The following MUC17 variants were observed in gnomAD, a reference collection of about 807,000 sequenced individuals.
MUC17 encodes mucin 17, cell surface associated, also known as mucin-17.
In MUC17, 190 loss-of-function variants were observed where a neutral mutation model predicts 170.3. The ratio of observed to expected loss-of-function variants is 1.12; its 90% CI spans 0.99 to 1.26. The LOEUF (loss-of-function observed/expected upper bound fraction) is 1.26. MUC17 is among the 50% of genes most tolerant of loss of function. The pLI is 0.00. For synonymous variants in MUC17, 2,325 were observed against 2,002.5 expected (o/e 1.16, Z -4.30); for missense variants, 6,415 against 5,530.0 (o/e 1.16, Z -5.08).
intron 7 of MUC17, 36 bp downstream of exon 7, chr7:101,050,671 G>A (rs996410393): frequency 1.9e-6 from 3 of 1,604,310 alleles, no homozygotes; most frequent in African/African-American, 1.3e-5. Flanking sequence ...AAGGGAGAAG[G>A]CATCAGAGCT....
chr7:101,037,901 C>T lies in MUC17; in HGVS notation c.6485C>T (p.Pro2162Leu), dbSNP rs763159692. The T allele has an allele frequency of 6.2e-7, 1 of 1,610,070 alleles. No individual in the cohort carries two copies. Among genetic ancestry groups the T allele is most frequent in the Non-Finnish European group, 8.5e-7 (1 of 1,177,650 alleles). Reference sequence around the variant, plus strand: ...TCAACTTATAGTGACAGAAGAACTCCTTTAACAAGTATGCCTGTCAGCACC... The same window carrying T: ...TCAACTTATAGTGACAGAAGAACTCTTTTAACAAGTATGCCTGTCAGCACC... ...QTSTYSDRRT[P>L]LTSMPVSTTV... The change falls in exon 3 of 13, where the codon CCT becomes CTT. Residue 2162 changes from proline to leucine, a missense_variant. Pro to Leu is a moderately conservative substitution (Grantham distance 98). Transcript: ENST00000306151.
Position 101,053,010 on chromosome 7 carries a change from G to A in MUC17, c.13128G>A (p.Trp4376Ter), listed in dbSNP as rs945988821. 6.2e-7 allele frequency: 1 copy of A among 1,614,046 alleles called. No individual in the cohort carries two copies. Among genetic ancestry groups the A allele is most frequent in the Non-Finnish European group, 8.5e-7 (1 of 1,179,964 alleles). Residue 4376 changes from tryptophan to a stop codon, truncating the protein, a stop_gained, in exon 10 of 13, where the codon TGG (tryptophan) becomes TGA (stop). Coordinates refer to ENST00000306151, the MANE Select transcript of MUC17 (RefSeq NM_001040105.2). LOFTEE classifies it high-confidence loss of function. ...QCLCVTTETHWYSGETCNQGT... is the reference protein window; with the variant it reads ...QCLCVTTETH ...GCTGCGTGACCACGGAAACTCACTG[G>A]TACAGTGGGGAGACCTGTAACCAGG...
chr7:101,053,243 C>G (rs1794985969), intron 10 of MUC17, 96 bp downstream of exon 10: 1 of 1,574,932 alleles, frequency 6.3e-7, no homozygotes, highest in Non-Finnish European at 8.7e-7. Flanking sequence ...TCTAGGTGGG[C>G]AGCGGGGGCA....
chr7:101,053,542 A>G, intron 11 of MUC17, 106 bp downstream of exon 11: 2 of 818,250 alleles, frequency 2.4e-6, no homozygotes, highest in Non-Finnish European at 4.0e-6. Flanking sequence ...CCAAGGCAGG[A>G]GTATTACTTG....
chr7:101,021,016 A>AC (rs1267438327), intron 1 of MUC17, among the ~76,000 whole-genome samples: 6 of 152,066 alleles, frequency 3.9e-5, no homozygotes, highest in Admixed American at 2.0e-4. Context: ...TCGAGATGTC[A>AC]CCCTGTGGCA....
chr7:101,023,368 A>T (rs923280683), intron 1 of MUC17, among the ~76,000 whole-genome samples: 3 of 152,116 alleles, frequency 2.0e-5, no homozygotes, highest in African/African-American at 7.2e-5. Context: ...CAGACCTTTC[A>T]AAATTAAAAA....
In MUC17 at chr7:101,042,796, TCTC is replaced by T; in HGVS notation, c.11383_11385del (p.Pro3795del). 1 of 1,614,132 alleles carries T rather than the reference TCTC, an allele frequency of 6.2e-7. No homozygotes were observed. Among genetic ancestry groups the T allele is most frequent in the Non-Finnish European group, 8.5e-7 (1 of 1,180,028 alleles). On this transcript the variant is annotated inframe_deletion, in exon 3 of 13. Coordinates refer to ENST00000306151, the MANE Select transcript of MUC17 (RefSeq NM_001040105.2). ...GACCACTGCCTCTGAAGGCAGTTCATCTCCTACAACTCTTGAAGGCACCACCAC... is the reference window on the plus strand; with the variant it reads ...GACCACTGCCTCTGAAGGCAGTTCATCTACAACTCTTGAAGGCACCACCAC...
Position 101,043,321 on chromosome 7 carries a change from A to G in MUC17, c.11905A>G (p.Thr3969Ala), listed in dbSNP as rs756652181. The change falls in exon 3 of 13, where the codon ACT (threonine) becomes GCT (alanine). Residue 3969 changes from threonine to alanine, a missense_variant. Physicochemically the swap from Thr to Ala is moderately conservative, Grantham distance 58. Transcript: ENST00000306151. ...GAVSTPVITS[T>A]ELNTPSTSSS... ...TGTATCTACCCCTGTGATAACTTCC[A>G]CTGAACTAAACACACCATCAACCTC... 1.2e-6 allele frequency: 2 copies of G among 1,614,154 alleles called. No homozygotes were observed. Among genetic ancestry groups the G allele is most frequent in the Non-Finnish European group, 1.7e-6 (2 of 1,180,036 alleles).
In MUC17 at chr7:101,040,943, T is replaced by C. The variant is rs1794679354; in HGVS notation, c.9527T>C (p.Val3176Ala). 6.2e-7 allele frequency: 1 copy of C among 1,613,224 alleles called. No individual in the cohort carries two copies. The highest frequency in any genetic ancestry group is 2.2e-5 in the East Asian group (1 of 44,812). Reference protein sequence around the residue: ...LTYMPVSTMLVVSSEDSTLSA... With the variant: ...LTYMPVSTMLAVSSEDSTLSA... ...TATATGCCTGTCAGCACCATGCTGG[T>C]AGTCAGTTCTGAGGATAGCACCCTT... Residue 3176 changes from valine (V) to alanine (A), a missense_variant, in exon 3 of 13, where the codon GTA (valine) becomes GCA (alanine). Physicochemically the swap from Val to Ala is moderately conservative, Grantham distance 64. Transcript: ENST00000306151.
At chr7:101,049,737 C>T (rs986693800) in intron 6 of MUC17, among the ~76,000 whole-genome samples, 8 of 152,106 alleles carry the variant, frequency 5.3e-5, no homozygotes, top group African/African-American at 1.7e-4. Flanking sequence ...GGATGAGGGC[C>T]TACACTAATG....
In MUC17 at chr7:101,037,467, C is replaced by G. The variant is rs1212964248; in HGVS notation, c.6051C>G (p.Thr2017=). 1.9e-6 allele frequency: 3 copies of G among 1,611,958 alleles called. No homozygotes were observed. The highest frequency in any genetic ancestry group is 2.5e-6 in the Non-Finnish European group (3 of 1,178,884). Residue 2017 remains threonine (T), a synonymous_variant, in exon 3 of 13, where the codon ACC becomes ACG. Transcript: ENST00000306151. ...TTPVDTSTPA[T]TSTEGSSSPT... ...CTGTTGACACCAGCACTCCTGCCAC[C>G]ACTTCTACTGAAGGCAGTTCATCTC...
At position 101,037,514 on chromosome 7, in the gene MUC17, G is replaced by C; in HGVS notation, c.6098G>C (p.Ser2033Thr). 6.2e-7 allele frequency: 1 copy of C among 1,613,722 alleles called. No homozygotes were observed. The highest frequency in any genetic ancestry group is 8.5e-7 in the Non-Finnish European group (1 of 1,179,846). The part of the protein sequence containing the change: ...SSSPTTAGGT[S>T]IQTSTPSERT... The stretch of plus-strand genomic sequence containing the variant: ...TCTCCTACAACTGCAGGAGGTACCA[G>C]CATACAAACCTCAACTCCTAGTGAA... Residue 2033 changes from serine to threonine, a missense_variant, in exon 3 of 13, where the codon AGC becomes ACC. Physicochemically the swap from Ser to Thr is moderately conservative, Grantham distance 58. Transcript: ENST00000306151.
Position 101,036,139 on chromosome 7 carries a change from C to A in MUC17, c.4723C>A (p.Leu1575Ile). ...TSTYSEGSTP[L>I]TSLPVSTMLV... ...AACTTATAGTGAAGGAAGCACTCCA[C>A]TAACAAGTTTGCCTGTCAGCACCAT... Residue 1575 changes from leucine (L) to isoleucine (I), a missense_variant, in exon 3 of 13, where the codon CTA (leucine) becomes ATA (isoleucine). Leu to Ile is a conservative substitution (Grantham distance 5, BLOSUM62 2). Coordinates refer to ENST00000306151, the MANE Select transcript of MUC17 (RefSeq NM_001040105.2). 6.2e-7 allele frequency: 1 copy of A among 1,609,030 alleles called. No homozygotes were observed.
chr7:101,029,578 C>T (rs932003974), intron 1 of MUC17, among the ~76,000 whole-genome samples: 6 of 151,590 alleles, frequency 4.0e-5, no homozygotes, highest in Non-Finnish European at 7.4e-5. Context: ...TTTTGCATTC[C>T]GTTTTTTAAT....
Position 101,051,784 on chromosome 7 carries a change from T to A in MUC17, c.12944-19T>A, listed in dbSNP as rs1248490234. ...GCCCTCTGATCACGGCTGTTCCCTG[T>A]CCCTGCACCCCCCACCAGAGGACTG... On this transcript the variant is annotated intron_variant, in intron 8 of 12. Coordinates refer to ENST00000306151, the MANE Select transcript of MUC17 (RefSeq NM_001040105.2). 6.2e-7 allele frequency: 1 copy of A among 1,611,484 alleles called. No homozygotes were observed. Among genetic ancestry groups the A allele is most frequent in the South Asian group, 1.1e-5 (1 of 90,830 alleles).
At position 101,055,256 on chromosome 7, in the gene MUC17, T is replaced by TA. The variant is rs928802537; in HGVS notation, c.13364-929dup. ...AACTCTAGTTTAAAAAGGATTTTTT[T>TA]AAAAAAAAATCTAGGTATCCACTGT... is the stretch of plus-strand genomic sequence containing the variant. On this transcript the variant is annotated intron_variant, in intron 11 of 12. Coordinates refer to ENST00000306151, the MANE Select transcript of MUC17 (RefSeq NM_001040105.2). 4.6e-5 allele frequency among the ~76,000 whole-genome samples: 7 copies of TA among 151,104 alleles called. No individual in the cohort carries two copies. In the East Asian group the frequency reaches 5.8e-4, roughly 12 times the overall value.
In MUC17 at chr7:101,053,030, A is replaced by G; in HGVS notation, c.13148A>G (p.Asn4383Ser). ...CACTGGTACAGTGGGGAGACCTGTAACCAGGGCACCCAGAAGAGTCTGGTG... is the reference window on the plus strand; with the variant it reads ...CACTGGTACAGTGGGGAGACCTGTAGCCAGGGCACCCAGAAGAGTCTGGTG... ...ETHWYSGETC[N>S]QGTQKSLVYG... The change falls in exon 10 of 13, where the codon AAC becomes AGC. Residue 4383 changes from asparagine (N) to serine (S), a missense_variant. Physicochemically the swap from Asn to Ser is conservative, Grantham distance 46 (BLOSUM62 1). Transcript: ENST00000306151. 2 of 1,614,106 alleles carry G rather than the reference A, an allele frequency of 1.2e-6. No homozygotes were observed. The highest frequency in any genetic ancestry group is 8.5e-7 in the Non-Finnish European group (1 of 1,180,008).
At position 101,042,110 on chromosome 7, in the gene MUC17, C is replaced by T. The variant is rs1794730640; in HGVS notation, c.10694C>T (p.Thr3565Ile). ...TCTCCAGCAACTCTTCAGGTCACCA[C>T]TATGCGTATGTCTACTCCAAGTGAA... ...SSSPATLQVT[T>I]MRMSTPSEGS... Residue 3565 changes from threonine to isoleucine, a missense_variant, in exon 3 of 13, where the codon ACT becomes ATT. Physicochemically the swap from Thr to Ile is moderately conservative, Grantham distance 89. Transcript: ENST00000306151. 5.0e-6 allele frequency: 8 copies of T among 1,614,158 alleles called. No individual in the cohort carries two copies. Among genetic ancestry groups the T allele is most frequent in the Non-Finnish European group, 6.8e-6 (8 of 1,180,008 alleles).
Position 101,039,672 on chromosome 7 carries a change from A to G in MUC17, c.8256A>G (p.Pro2752=), listed in dbSNP as rs1468197518. ...CAACTCCTAGTGATGGAAGTACTCCATTAACAAGTATACTTGTCAGCACCC... is the reference window on the plus strand; with the variant it reads ...CAACTCCTAGTGATGGAAGTACTCCGTTAACAAGTATACTTGTCAGCACCC... ...RISTPSDGST[P]LTSILVSTLP... The change falls in exon 3 of 13, where the codon CCA becomes CCG. Residue 2752 remains proline (P), a synonymous_variant. Coordinates refer to ENST00000306151, the MANE Select transcript of MUC17 (RefSeq NM_001040105.2). The G allele has an allele frequency of 2.5e-6, 4 of 1,612,660 alleles. No individual in the cohort carries two copies. The highest frequency in any genetic ancestry group is 1.1e-5 in the South Asian group (1 of 91,008).
Sources: allele counts gnomAD v4.1 joint callset (sites outside exome capture counted in the v4.1 genomes callset), GRCh38; gene constraint gnomAD v4.1.1; transcripts MANE v1.5; gene names NCBI Gene and HGNC (gene_info 2026-07-23, HGNC 2026-07-21).